MAPKAP1: variants seen among roughly 807,000 people sequenced by gnomAD.
MAPKAP1 encodes the protein MAPK associated protein 1, also known as target of rapamycin complex 2 subunit MAPKAP1.
A neutral mutation model predicts 65.7 loss-of-function variants in MAPKAP1; 20 were observed. The ratio of observed to expected loss-of-function variants is 0.30; its 90% CI spans 0.21 to 0.44. The LOEUF is 0.44. Ranked by LOEUF, MAPKAP1 falls within the 20% of genes least tolerant of loss-of-function variation. MAPKAP1 has a pLI of 1.00. For synonymous variants in MAPKAP1, 222 were observed against 244.3 expected, an observed-to-expected ratio of 0.91 and a Z score of 0.85; for missense variants, 423 against 648.0, an observed-to-expected ratio of 0.65 and a Z score of 3.77.
intron 7 of MAPKAP1, among the ~76,000 whole-genome samples, chr9:125,542,600 T>G (rs958363851): frequency 2.3e-4 from 35 of 152,236 alleles, no homozygotes; most frequent in African/African-American, 8.0e-4. Context: ...GTCTTTTTTT[T>G]TTAAAGGTTG....
chr9:125,439,286 T>G lies in MAPKAP1; in HGVS notation c.1444-274A>C, dbSNP rs1197458353. On this transcript the variant is annotated intron_variant, in intron 11 of 11. Coordinates refer to ENST00000265960, the MANE Select transcript of MAPKAP1 (RefSeq NM_001006617.3). This position sits in a 1 kb window ranked among gnomAD's most constrained non-coding sequence, Gnocchi z 4.0. ...CGAGCTCTTCAGGTTCCGGAGCCCA[T>G]GCTCCCTCCTGGCGTGAGCCACTCC... 6.6e-6 allele frequency among the ~76,000 whole-genome samples: 1 copy of G among 152,244 alleles called. No homozygotes were observed. Among genetic ancestry groups the G allele is most frequent in the Non-Finnish European group, 1.5e-5 (1 of 68,028 alleles).
intron 10 of MAPKAP1, among the ~76,000 whole-genome samples, chr9:125,460,687 A>G (rs1853462811): frequency 6.6e-6 from 1 of 152,216 alleles, no homozygotes; most frequent in Admixed American, 6.5e-5. Flanking sequence ...AGACAAGCAC[A>G]TTGGTACCAT....
At chr9:125,485,788 G>A (rs1375344196) in intron 8 of MAPKAP1, among the ~76,000 whole-genome samples, 1 of 152,194 alleles carries the variant, frequency 6.6e-6, no homozygotes, top group East Asian at 1.9e-4. Context: ...GAGCCCGACA[G>A]CTGCGGCCGC....
chr9:125,605,999 C>G (rs907328258), intron 4 of MAPKAP1, among the ~76,000 whole-genome samples: 2 of 152,168 alleles, frequency 1.3e-5, no homozygotes, highest in African/African-American at 4.8e-5. Context: ...GGAGATCACT[C>G]TCTTTGAAAT....
At chr9:125,533,333 C>T (rs1829985000) in intron 7 of MAPKAP1, among the ~76,000 whole-genome samples, 2 of 152,098 alleles carry the variant, frequency 1.3e-5, no homozygotes, top group South Asian at 4.2e-4. Flanking sequence ...AAATGAGATA[C>T]TGGCTGCTAA....
At chr9:125,672,252 A>G in intron 2 of MAPKAP1, 64 bp downstream of exon 2, 3 of 1,563,472 alleles carry the variant, frequency 1.9e-6, no homozygotes, top group Non-Finnish European at 2.6e-6. Flanking sequence ...AATATTATGC[A>G]TTATTCCATA....
chr9:125,457,952 C>T (rs1853253485), intron 10 of MAPKAP1, among the ~76,000 whole-genome samples: 1 of 152,320 alleles, frequency 6.6e-6, no homozygotes, highest in South Asian at 2.1e-4. Context: ...GCTTTAGCCT[C>T]CTCCATCTCT....
intron 9 of MAPKAP1, among the ~76,000 whole-genome samples, chr9:125,468,595 G>C (rs1020612645): frequency 2.6e-5 from 4 of 152,184 alleles, no homozygotes; most frequent in Admixed American, 2.6e-4. Flanking sequence ...CTTCTGATCT[G>C]AAACAACCTT....
chr9:125,599,742 T>C (rs957331426), intron 4 of MAPKAP1: 2 of 152,422 alleles, frequency 1.3e-5, no homozygotes, highest in African/African-American at 4.8e-5. Flanking sequence ...TAGCTGGGAT[T>C]ATAGGCACTT....
At chr9:125,552,996 C>G (rs573471563) in intron 6 of MAPKAP1, among the ~76,000 whole-genome samples, 150 of 152,176 alleles carry the variant, frequency 9.9e-4, no homozygotes, top group African/African-American at 3.5e-3. Flanking sequence ...GGATGTGTAG[C>G]TATATATATC....
chr9:125,592,851 C>T (rs1475738971), intron 4 of MAPKAP1, among the ~76,000 whole-genome samples: 1 of 137,574 alleles, frequency 7.3e-6, no homozygotes, highest in Non-Finnish European at 1.5e-5. Flanking sequence ...TGCAGTGAGC[C>T]GAGATAGCAC....
chr9:125,706,970 C>T lies in MAPKAP1; in HGVS notation c.-70+1G>A. The T allele has an allele frequency of 2.5e-6, 1 of 394,988 alleles. No individual in the cohort carries two copies. Among genetic ancestry groups the T allele is most frequent in the Non-Finnish European group, 4.5e-6 (1 of 224,214 alleles). The allele number at this position is 394,988 out of a possible 1,614,324, so 24.5% of individuals were successfully genotyped here. A position where few individuals can be genotyped will look rare whatever the true frequency, so the allele number is the denominator to read the frequency against. ...GAGCTGGCGGCTGGGGCAACCTTTA[C>T]CTGAAGCTGCTTCCACACTACGGGC... On this transcript the variant is annotated splice_donor_variant, in intron 1 of 11. Transcript: ENST00000265960. LOFTEE classifies it low-confidence loss of function (5UTR_SPLICE).
chr9:125,468,320 G>T (rs7864176), intron 9 of MAPKAP1, among the ~76,000 whole-genome samples: 4,135 of 152,316 alleles, frequency 0.027, 192 homozygotes, highest in African/African-American at 0.095. Context: ...TTCCTGGGTG[G>T]GTGAGTTGAG....
At chr9:125,604,023 A>G (rs777338318) in intron 4 of MAPKAP1, among the ~76,000 whole-genome samples, 1 of 152,250 alleles carries the variant, frequency 6.6e-6, no homozygotes, top group Non-Finnish European at 1.5e-5. Flanking sequence ...CTAAAATGCA[A>G]CACTCAAAGA....
At chr9:125,565,082 G>T (rs978514673) in intron 5 of MAPKAP1, among the ~76,000 whole-genome samples, 42 of 151,914 alleles carry the variant, frequency 2.8e-4, no homozygotes, top group African/African-American at 9.9e-4. Flanking sequence ...GGGTGTACAG[G>T]GCAGAATATA....
chr9:125,672,652 A>G lies in MAPKAP1; in HGVS notation c.-69-9T>C. The G allele has an allele frequency of 1.3e-6, 2 of 1,483,292 alleles. No individual in the cohort carries two copies. Among genetic ancestry groups the G allele is most frequent in the Non-Finnish European group, 1.9e-6 (2 of 1,076,934 alleles). 91.9% of individuals were successfully genotyped at this position (1,483,292 alleles called of 1,614,324 possible). The stretch of plus-strand genomic sequence containing the variant: ...TTCACGAGCTCACCTACCTAGAAAC[A>G]TGATGTACACAGCAAATATTTAAGA... On this transcript the variant is annotated splice_polypyrimidine_tract_variant and intron_variant, in intron 1 of 11. Coordinates refer to ENST00000265960, the MANE Select transcript of MAPKAP1 (RefSeq NM_001006617.3).
Position 125,604,034 on chromosome 9 carries a change from A to G in MAPKAP1, c.499-18307T>C, listed in dbSNP as rs553750109. On this transcript the variant is annotated intron_variant, in intron 4 of 11. Coordinates refer to ENST00000265960, the MANE Select transcript of MAPKAP1 (RefSeq NM_001006617.3). ...AATTCTAAAATGCAACACTCAAAGA[A>G]TAAGACTTAACCTATTTGCTTCCCT... Among the ~76,000 whole-genome samples, 4 of 152,354 alleles carry G rather than the reference A, an allele frequency of 2.6e-5. No homozygotes were observed. The East Asian group carries it at 7.7e-4, about 29-fold the overall frequency.
intron 5 of MAPKAP1, chr9:125,572,754 C>T (rs993428491): frequency 2.6e-5 from 4 of 152,152 alleles, no homozygotes; most frequent in Non-Finnish European, 5.9e-5. Flanking sequence ...CATGTAAAGC[C>T]TTCTAATTTA....
chr9:125,693,486 CAT>C lies in MAPKAP1; in HGVS notation c.-70+13483_-70+13484del, dbSNP rs545957690. Among the ~76,000 whole-genome samples the C allele has an allele frequency of 9.1e-3, 1,358 of 149,052 alleles. 16 individuals carry two copies. The highest frequency in any genetic ancestry group is 0.032 in the African/African-American group (1,284 of 40,456). ...ATGTATATATACACACACATATACA[CAT>C]ATATACACACATATATACACATACA... On this transcript the variant is annotated intron_variant, in intron 1 of 11. Transcript: ENST00000265960.
Sources: allele counts gnomAD v4.1 joint callset (sites outside exome capture counted in the v4.1 genomes callset), GRCh38; gene constraint gnomAD v4.1.1; non-coding constraint Gnocchi (gnomAD v3.1); transcripts MANE v1.5; gene names NCBI Gene and HGNC (gene_info 2026-07-23, HGNC 2026-07-21).